The following VPS53 variants were observed in gnomAD, a reference collection of about 807,000 sequenced individuals.
The protein encoded by VPS53 is VPS53 subunit of GARP complex.
Under a neutral mutation model 107.0 loss-of-function variants are expected in VPS53, and 70 were observed. That is an observed-to-expected ratio of 0.65 (90% CI 0.54 to 0.80). VPS53 has a LOEUF of 0.80. VPS53 is among the 30% of genes least tolerant of loss of function. The pLI is 0.00. For missense variants in VPS53, 917 were observed against 1,049.4 expected (o/e 0.87, Z 1.74); for synonymous variants, 409 against 393.3 (o/e 1.04, Z -0.47).
At chr17:708,049 G>A (rs574868925) in intron 2 of VPS53, among the ~76,000 whole-genome samples, 1 of 152,216 alleles carries the variant, frequency 6.6e-6, no homozygotes, top group East Asian at 1.9e-4. Flanking sequence ...TGTTTAGAAG[G>A]GCCTTCTGTA....
At chr17:648,076 T>C (rs401592) in intron 7 of VPS53, among the ~76,000 whole-genome samples, 52,877 of 152,000 alleles carry the variant, frequency 0.35, 11,019 homozygotes, top group Non-Finnish European at 0.47. Context: ...CCAGGGAGCC[T>C]CCAAGCCTAG....
rs146797583 is a variant in VPS53, at chr17:608,116, C to T, written c.1117-6220G>A. On this transcript the variant is annotated intron_variant, in intron 11 of 21. Transcript: ENST00000437048. ...TCCTAATTGGTCCTTAAAGAGATGGCTGCGGGGCTTTAGCTGACAGTCAGG... is the reference window on the plus strand; with the variant it reads ...TCCTAATTGGTCCTTAAAGAGATGGTTGCGGGGCTTTAGCTGACAGTCAGG... Among the ~76,000 whole-genome samples, 19 of 152,318 alleles carry T rather than the reference C, an allele frequency of 1.2e-4. No homozygotes were observed. The East Asian group carries it at 2.7e-3, about 22-fold the overall frequency.
intron 13 of VPS53, among the ~76,000 whole-genome samples, chr17:572,421 A>G (rs1914235409): frequency 2.0e-5 from 3 of 146,832 alleles, no homozygotes; most frequent in African/African-American, 5.1e-5. Context: ...TGGGGGGGTC[A>G]GCCCCCCGCC....
intron 13 of VPS53, among the ~76,000 whole-genome samples, chr17:577,072 A>C (rs986744718): frequency 6.6e-5 from 10 of 150,994 alleles, no homozygotes; most frequent in African/African-American, 2.4e-4. Context: ...CAGAGAACCT[A>C]AAGCATTCCC....
intron 14 of VPS53, among the ~76,000 whole-genome samples, chr17:562,236 A>G (rs935491813): frequency 1.3e-5 from 2 of 152,208 alleles, no homozygotes; most frequent in African/African-American, 4.8e-5. Flanking sequence ...CATGAAAATT[A>G]AATAGGCATA....
chr17:632,671 C>T (rs1970011967), intron 7 of VPS53: 1 of 455,362 alleles, frequency 2.2e-6, no homozygotes, highest in Non-Finnish European at 4.4e-6. Flanking sequence ...CCCTGCTATG[C>T]CTCCCAGCCT....
chr17:701,747 G>A (rs1973211580), intron 2 of VPS53, among the ~76,000 whole-genome samples: 1 of 151,954 alleles, frequency 6.6e-6, no homozygotes, highest in Non-Finnish European at 1.5e-5. Flanking sequence ...CTACCTTTAA[G>A]ATGGCGGCTC....
chr17:695,383 T>TAAGA (rs1972920935), intron 4 of VPS53, among the ~76,000 whole-genome samples: 1 of 152,104 alleles, frequency 6.6e-6, no homozygotes, highest in Non-Finnish European at 1.5e-5. Context: ...ATGCGGCGGC[T>TAAGA]TAAAGAAATA....
At chr17:673,020 G>C (rs1418872042) in intron 4 of VPS53, among the ~76,000 whole-genome samples, 1 of 151,362 alleles carries the variant, frequency 6.6e-6, no homozygotes, top group Non-Finnish European at 1.5e-5. Context: ...ACTTAGGCAG[G>C]AGAATGGCGT....
chr17:653,131 T>G, intron 7 of VPS53, 160 bp downstream of exon 7: 1 of 977,146 alleles, frequency 1.0e-6, no homozygotes, highest in African/African-American at 1.8e-5. Context: ...GCCGGATCTG[T>G]GGAATCCCCA....
At chr17:610,127 T>TCACACACACACACA (rs200106767) in intron 11 of VPS53, among the ~76,000 whole-genome samples, 1 of 134,528 alleles carries the variant, frequency 7.4e-6, no homozygotes, top group African/African-American at 2.9e-5. Flanking sequence ...TGAGACTCCG[T>TCACACACACACACA]CACACACACA....
At chr17:709,188 GCT>G (rs1254820288) in intron 2 of VPS53, among the ~76,000 whole-genome samples, 2 of 125,830 alleles carry the variant, frequency 1.6e-5, no homozygotes, top group African/African-American at 5.1e-5. Context: ...GGCGCATCAC[GCT>G]CTGTCACGGA....
At chr17:610,341 T>C (rs994238344) in intron 11 of VPS53, among the ~76,000 whole-genome samples, 18 of 152,118 alleles carry the variant, frequency 1.2e-4, no homozygotes, top group Non-Finnish European at 2.4e-4. Context: ...ATGAAGCATA[T>C]TTTCATATGT....
intron 12 of VPS53, among the ~76,000 whole-genome samples, chr17:598,002 C>T (rs1176612300): frequency 1.3e-5 from 2 of 152,156 alleles, no homozygotes; most frequent in East Asian, 1.9e-4. Flanking sequence ...TCTCTTTCCA[C>T]GGTCTCCCTC....
intron 11 of VPS53, 141 bp downstream of exon 11, chr17:623,392 T>A: frequency 9.9e-7 from 1 of 1,015,026 alleles, no homozygotes; most frequent in Non-Finnish European, 1.4e-6. Context: ...GTATCATCAC[T>A]TTCCCAGCAG....
At position 520,016 on chromosome 17, in the gene VPS53, T is replaced by C. The variant is rs1597238064; in HGVS notation, c.2224-86A>G. On this transcript the variant is annotated intron_variant, in intron 20 of 21. Transcript: ENST00000437048. This position sits in a 1 kb window ranked among gnomAD's most constrained non-coding sequence, Gnocchi z 4.4. ...GGAGCGGGCCCTCAAGAAAACTCAC[T>C]ACCCACCGCAGGAGGAGACGGGAGC... 2.2e-6 allele frequency: 2 copies of C among 904,576 alleles called. No homozygotes were observed. Among genetic ancestry groups the C allele is most frequent in the Middle Eastern group, 3.0e-4 (1 of 3,344 alleles). The allele number at this position is 904,576 out of a possible 1,614,324, so 56.0% of individuals were successfully genotyped here. A position where few individuals can be genotyped will look rare whatever the true frequency, so the allele number is the denominator to read the frequency against.
At chr17:586,077 C>T (rs993578958) in intron 13 of VPS53, among the ~76,000 whole-genome samples, 193 bp downstream of exon 13, 1 of 152,062 alleles carries the variant, frequency 6.6e-6, no homozygotes, top group African/African-American at 2.4e-5. Flanking sequence ...CAAACTCAGG[C>T]TCTGAGATTT....
intron 4 of VPS53, chr17:675,782 A>AG (rs1490907745): frequency 6.6e-6 from 1 of 151,732 alleles, no homozygotes; most frequent in Non-Finnish European, 1.5e-5. Context: ...AAAAAAAAAA[A>AG]AAAAAAACTT....
At chr17:565,091 A>G in intron 13 of VPS53, among the ~76,000 whole-genome samples, 1 of 152,236 alleles carries the variant, frequency 6.6e-6, no homozygotes, top group African/African-American at 2.4e-5. Context: ...ATTTTACTCA[A>G]AGGCTTTTGT....
Sources: allele counts gnomAD v4.1 joint callset (sites outside exome capture counted in the v4.1 genomes callset), GRCh38; gene constraint gnomAD v4.1.1; non-coding constraint Gnocchi (gnomAD v3.1); transcripts MANE v1.5; gene names NCBI Gene and HGNC (gene_info 2026-07-23, HGNC 2026-07-21).